EEF1A1: variants seen among roughly 807,000 people sequenced by gnomAD.
EEF1A1 encodes the protein eukaryotic translation elongation factor 1 alpha 1.
EEF1A1 carries 1 observed loss-of-function variant against 38.5 expected under a neutral mutation model. The ratio of observed to expected loss-of-function variants is 0.03; its 90% CI spans 0.01 to 0.12. EEF1A1 has a LOEUF of 0.12. EEF1A1 is among the 10% of genes least tolerant of loss of function. The probability of loss-of-function intolerance (pLI) is 1.00; values close to 1 mark genes in which losing one functional copy is unlikely to be tolerated. For missense variants in EEF1A1, 184 were observed against 588.3 expected (o/e 0.31, Z 7.11); for synonymous variants, 229 against 203.7 (o/e 1.12, Z -1.06).
At position 73,519,022 on chromosome 6, in the gene EEF1A1, G is replaced by A. The variant is rs766187782; in HGVS notation, c.531C>T (p.Tyr177=). The A allele has an allele frequency of 1.7e-5, 27 of 1,606,992 alleles. No individual in the cohort carries two copies. The highest frequency in any genetic ancestry group is 1.9e-5 in the Non-Finnish European group (22 of 1,175,126). Reference sequence around the variant, plus strand: ...CGGGGTTGTAGCCAATTTTCTTAATGTAAGTGCTGACTTCCTTAACAATTT... The same window carrying A: ...CGGGGTTGTAGCCAATTTTCTTAATATAAGTGCTGACTTCCTTAACAATTT... ...YEEIVKEVST[Y]IKKIGYNPDT... is the part of the protein sequence containing the mutation. Residue 177 remains tyrosine (Y), a synonymous_variant, in exon 4 of 8, where the codon TAC becomes TAT. Transcript: ENST00000309268.
chr6:73,518,578 T>C lies in EEF1A1; in HGVS notation c.805A>G (p.Thr269Ala). The change falls in exon 6 of 8, where the codon ACT (threonine) becomes GCT (alanine). Residue 269 changes from threonine (T) to alanine (A), a missense_variant. Thr to Ala is a moderately conservative substitution (Grantham distance 58). Coordinates refer to ENST00000309268, the MANE Select transcript of EEF1A1 (RefSeq NM_001402.6). ...ACCATACCGGGTTTGAGAACACCAG[T>C]CTCCACTCGGCCAACAGGAACAGTA... ...IGTVPVGRVETGVLKPGMVVT... is the reference protein window; with the variant it reads ...IGTVPVGRVEAGVLKPGMVVT... 4 of 1,613,480 alleles carry C rather than the reference T, an allele frequency of 2.5e-6. No homozygotes were observed. Among genetic ancestry groups the C allele is most frequent in the Non-Finnish European group, 3.4e-6 (4 of 1,179,564 alleles).
At chr6:73,519,798 C>T (rs1356316897) in intron 2 of EEF1A1, 85 bp downstream of exon 2, 5 of 1,568,496 alleles carry the variant, frequency 3.2e-6, no homozygotes, top group Non-Finnish European at 4.3e-6. Flanking sequence ...ATCTAAACCA[C>T]TCACTAGTTC....
In EEF1A1 at chr6:73,518,222, C is replaced by A. The variant is rs11550843; in HGVS notation, c.1072G>T (p.Ala358Ser). The change falls in exon 7 of 8, where the codon GCC (alanine) becomes TCC (serine). Residue 358 changes from alanine (A) to serine (S), a missense_variant. Transcript: ENST00000309268. ...GCCGTGTGGCAATCCAATACAGGGG[C>A]ATAGCCGGCGCTTATTTGGCCTGGA... The part of the protein sequence containing the change: ...NHPGQISAGY[A>S]PVLDCHTAHI... 6.2e-6 allele frequency: 10 copies of A among 1,614,080 alleles called. No homozygotes were observed. Among genetic ancestry groups the A allele is most frequent in the Non-Finnish European group, 8.5e-6 (10 of 1,180,020 alleles).
At chr6:73,519,565 C>T (rs777791185) in intron 2 of EEF1A1, 49 bp from the exon 3 acceptor site, 73 of 1,525,762 alleles carry the variant, frequency 4.8e-5, no homozygotes, top group Non-Finnish European at 6.2e-5. Context: ...CAAACTCCAG[C>T]TTCAATTTCC....
In EEF1A1 at chr6:73,517,327, A is replaced by G. The variant is rs2150051107; in HGVS notation, c.*483T>C. ...GCATTTCTCTCCAGTGTTGTAATCA[A>G]AGCAACCCTCCCATAGCTTTAAATG... On this transcript the variant is annotated 3_prime_UTR_variant, in exon 8 of 8. Transcript: ENST00000309268. The G allele has an allele frequency of 6.4e-6, 1 of 155,414 alleles. No homozygotes were observed. The highest frequency in any genetic ancestry group is 3.4e-3 in the Middle Eastern group (1 of 294). 9.6% of individuals were successfully genotyped at this position (155,414 alleles called of 1,614,324 possible). A position where few individuals can be genotyped will look rare whatever the true frequency, so the allele number is the denominator to read the frequency against.
At chr6:73,517,973 T>C in intron 7 of EEF1A1, 39 bp from the exon 8 acceptor site, 13 of 1,613,310 alleles carry the variant, frequency 8.1e-6, no homozygotes, top group Middle Eastern at 1.7e-4. Flanking sequence ...AAAGTACTGT[T>C]CAGTTGTATT....
intron 1 of EEF1A1, 119 bp from the exon 2 acceptor site, chr6:73,520,175 T>C: frequency 1.1e-6 from 1 of 938,082 alleles, no homozygotes; most frequent in Non-Finnish European, 1.6e-6. Context: ...TGGCCTAACT[T>C]CAGTCTCCAC....
Position 73,520,052 on chromosome 6 carries a change from G to C in EEF1A1, c.-26C>G, listed in dbSNP as rs1582715286. On this transcript the variant is annotated 5_prime_UTR_variant, in exon 2 of 8. Transcript: ENST00000309268. Reference sequence around the variant, plus strand: ...TTTGGCTTTTAGGGGTAGTTTTCACGACACCTGAAATGGAAGAAAAAAACT... The same window carrying C: ...TTTGGCTTTTAGGGGTAGTTTTCACCACACCTGAAATGGAAGAAAAAAACT... 1.3e-6 allele frequency: 2 copies of C among 1,585,224 alleles called. No homozygotes were observed. Among genetic ancestry groups the C allele is most frequent in the East Asian group, 2.2e-5 (1 of 44,732 alleles).
At position 73,517,653 on chromosome 6, in the gene EEF1A1, CA is replaced by C. The variant is rs774576782; in HGVS notation, c.*156del. 68 of 455,720 alleles carry C rather than the reference CA, an allele frequency of 1.5e-4. 1 individual carries two copies. The highest frequency in any genetic ancestry group is 6.2e-4 in the South Asian group (11 of 17,674). The allele number at this position is 455,720 out of a possible 1,614,324, so 28.2% of individuals were successfully genotyped here. On this transcript the variant is annotated 3_prime_UTR_variant, in exon 8 of 8. Coordinates refer to ENST00000309268, the MANE Select transcript of EEF1A1 (RefSeq NM_001402.6). The stretch of plus-strand genomic sequence containing the variant: ...CAAAAAAGAAAACCAAAGTGGTCCA[CA>C]AAACATTCTCCTTTCCTTCTGAAGG...
rs1238836720 is a variant in EEF1A1 at position 73,516,695 on chromosome 6, T to TA, written c.*1114dup. 1 of 151,766 alleles carries TA rather than the reference T, an allele frequency of 6.6e-6. No homozygotes were observed. The highest frequency in any genetic ancestry group is 1.9e-4 in the East Asian group (1 of 5,150). 9.4% of individuals were successfully genotyped at this position (151,766 alleles called of 1,614,324 possible). The stretch of plus-strand genomic sequence containing the variant: ...CCTTTTATAACCAAAAAAAAACCTT[T>TA]AGACACTTTTACATATGGGAGGTCA... On this transcript the variant is annotated 3_prime_UTR_variant, in exon 8 of 8. Coordinates refer to ENST00000309268, the MANE Select transcript of EEF1A1 (RefSeq NM_001402.6).
At chr6:73,520,203 A>C (rs931139967) in intron 1 of EEF1A1, 147 bp from the exon 2 acceptor site, 5 of 688,612 alleles carry the variant, frequency 7.3e-6, no homozygotes, top group Non-Finnish European at 9.3e-6. Flanking sequence ...GTGTGGGGAA[A>C]CTCCATCGCA....
At chr6:73,520,881 C>G (rs1030835082) in intron 1 of EEF1A1, 119 bp downstream of exon 1, 7 of 152,658 alleles carry the variant, frequency 4.6e-5, no homozygotes, top group East Asian at 1.9e-4. Context: ...CCACTTCCAA[C>G]CCGAAGCTCG....
At chr6:73,519,563 A>T (rs1183866800) in intron 2 of EEF1A1, 47 bp from the exon 3 acceptor site, 10 of 1,536,048 alleles carry the variant, frequency 6.5e-6, no homozygotes, top group Non-Finnish European at 8.8e-6. Flanking sequence ...CACAAACTCC[A>T]GCTTCAATTT....
At chr6:73,518,324 C>A (rs1316506799) in intron 6 of EEF1A1, 30 bp downstream of exon 6, 1 of 1,611,920 alleles carries the variant, frequency 6.2e-7, no homozygotes. Context: ...TTAGCCTCTG[C>A]AATAAGTTAA....
rs374376904 is a variant in EEF1A1 at position 73,518,692 on chromosome 6, A to G, written c.772+6T>C. 2 of 1,613,868 alleles carry G rather than the reference A, an allele frequency of 1.2e-6. No individual in the cohort carries two copies. Among genetic ancestry groups the G allele is most frequent in the Non-Finnish European group, 8.5e-7 (1 of 1,179,912 alleles). ...TCAAATTCAACTTTGTTTACAGCCA[A>G]CTTACCACCAATTTTGTAGACATCC... On this transcript the variant is annotated splice_donor_region_variant and intron_variant, in intron 5 of 7. Coordinates refer to ENST00000309268, the MANE Select transcript of EEF1A1 (RefSeq NM_001402.6).
chr6:73,518,310 G>A lies in EEF1A1; in HGVS notation c.1029+44C>T, dbSNP rs758095585. On this transcript the variant is annotated intron_variant, in intron 6 of 7. Transcript: ENST00000309268. Reference sequence around the variant, plus strand: ...TCAGTGCAAATCCAAAGTCTCAAATGACTTTAGCCTCTGCAATAAGTTAAT... The same window carrying A: ...TCAGTGCAAATCCAAAGTCTCAAATAACTTTAGCCTCTGCAATAAGTTAAT... 8.1e-6 allele frequency: 13 copies of A among 1,610,830 alleles called. No homozygotes were observed. In the African/African-American group the frequency reaches 1.6e-4, roughly 20 times the overall value.
intron 1 of EEF1A1, 29 bp from the exon 2 acceptor site, chr6:73,520,085 ACT>A: frequency 1.3e-6 from 2 of 1,563,204 alleles, no homozygotes; most frequent in Non-Finnish European, 1.7e-6. Context: ...ACTTTGAACC[ACT>A]GTCTGAGGCT....
At chr6:73,519,687 C>A (rs1399315359) in intron 2 of EEF1A1, among the ~76,000 whole-genome samples, 171 bp from the exon 3 acceptor site, 2 of 152,190 alleles carry the variant, frequency 1.3e-5, no homozygotes, top group Non-Finnish European at 2.9e-5. Context: ...TAAGTCGGAT[C>A]TTAACTATTA....
In EEF1A1 at chr6:73,517,952, AATT is replaced by A. The variant is rs749605132; in HGVS notation, c.1265-21_1265-19del. On this transcript the variant is annotated intron_variant, in intron 7 of 7. Transcript: ENST00000309268. Reference sequence around the variant, plus strand: ...AAAGCGACCTATTAAAAAAAAAGTTAATTATTACCCAAAGTACTGTTCAGTTGT... The same window carrying A: ...AAAGCGACCTATTAAAAAAAAAGTTAATTACCCAAAGTACTGTTCAGTTGT... 44 of 1,613,714 alleles carry A rather than the reference AATT, an allele frequency of 2.7e-5. No individual in the cohort carries two copies. Among genetic ancestry groups the A allele is most frequent in the South Asian group, 2.3e-4 (21 of 91,036 alleles).
Sources: gnomAD v4.1 joint callset for allele counts (sites outside exome capture counted in the v4.1 genomes callset) on GRCh38, gnomAD v4.1.1 for gene constraint, MANE v1.5 for transcripts, NCBI Gene and HGNC (gene_info 2026-07-23, HGNC 2026-07-21) for gene names.